ARHGAP15: variants seen among roughly 807,000 people sequenced by gnomAD.
ARHGAP15 encodes the protein rho GTPase-activating protein 15.
ARHGAP15 carries 51 observed loss-of-function variants against 63.7 expected under a neutral mutation model. That is an observed-to-expected ratio of 0.80 (90% CI 0.64 to 1.01). The LOEUF (loss-of-function observed/expected upper bound fraction) is 1.01. Among genes scored for constraint, ARHGAP15 ranks in the 50% least tolerant of loss-of-function variants. The pLI is 0.00. For synonymous variants in ARHGAP15, 191 were observed against 193.8 expected, an observed-to-expected ratio of 0.99 and a Z score of 0.12; for missense variants, 560 against 564.6, an observed-to-expected ratio of 0.99 and a Z score of 0.08.
rs116258564 is a variant in ARHGAP15 at position 143,197,394 on chromosome 2, A to G, written c.166-4740A>G. 8.7e-3 allele frequency among the ~76,000 whole-genome samples: 1,325 copies of G among 152,162 alleles called. 24 individuals carry two copies. The highest frequency in any genetic ancestry group is 0.03 in the African/African-American group (1,257 of 41,572). On this transcript the variant is annotated intron_variant, in intron 2 of 13. Coordinates refer to ENST00000295095, the MANE Select transcript of ARHGAP15 (RefSeq NM_018460.4). Reference sequence around the variant, plus strand: ...AATAATAAGCTATTAATCGATATCTATATAAGTACTATAACATTTTCTGTT... The same window carrying G: ...AATAATAAGCTATTAATCGATATCTGTATAAGTACTATAACATTTTCTGTT...
intron 12 of ARHGAP15, among the ~76,000 whole-genome samples, chr2:143,688,074 C>A (rs1451463719): frequency 6.6e-6 from 1 of 152,100 alleles, no homozygotes; most frequent in Non-Finnish European, 1.5e-5. Context: ...TTTCCTTTGA[C>A]ATGTTCATTC....
intron 10 of ARHGAP15, among the ~76,000 whole-genome samples, chr2:143,539,659 G>A (rs1039853603): frequency 6.6e-6 from 1 of 152,112 alleles, no homozygotes; most frequent in African/African-American, 2.4e-5. Context: ...TTCAGGAGCA[G>A]GTTGTTCAGT....
chr2:143,668,529 T>C (rs532393337), intron 12 of ARHGAP15, among the ~76,000 whole-genome samples: 6 of 150,948 alleles, frequency 4.0e-5, no homozygotes, highest in African/African-American at 1.2e-4. Flanking sequence ...CTAAAACCCA[T>C]GCTTTAAACT....
At chr2:143,556,816 A>G (rs892095305) in intron 11 of ARHGAP15, among the ~76,000 whole-genome samples, 2 of 152,098 alleles carry the variant, frequency 1.3e-5, no homozygotes, top group African/African-American at 4.8e-5. Context: ...GACACTTACT[A>G]TATGTTGATG....
chr2:143,252,329 C>T (rs1383857045), intron 6 of ARHGAP15, among the ~76,000 whole-genome samples: 1 of 151,986 alleles, frequency 6.6e-6, no homozygotes. Context: ...CAGTGTGTAT[C>T]ATCCCAATCT....
chr2:143,510,018 T>TAAAAAAAAAAAAAAAAAAAAAAA (rs35469918), intron 9 of ARHGAP15, among the ~76,000 whole-genome samples: 4 of 48,826 alleles, frequency 8.2e-5, no homozygotes, highest in Non-Finnish European at 1.1e-4. Context: ...GACTCCCTCT[T>TAAAAAAAAAAAAAAAAAAAAAAA]AAAAAAAAAA....
chr2:143,587,687 C>T (rs1395075452), intron 11 of ARHGAP15: 6 of 468,470 alleles, frequency 1.3e-5, no homozygotes, highest in South Asian at 3.1e-5. Context: ...CTTTCACAGT[C>T]GTTTCTGGAA....
intron 8 of ARHGAP15, among the ~76,000 whole-genome samples, chr2:143,459,910 G>C (rs1690854814): frequency 6.6e-6 from 1 of 152,134 alleles, no homozygotes; most frequent in African/African-American, 2.4e-5. Flanking sequence ...ATAATGTGAA[G>C]TATGGGAGAG....
chr2:143,763,720 A>G (rs574968069), intron 13 of ARHGAP15, among the ~76,000 whole-genome samples: 1 of 144,492 alleles, frequency 6.9e-6, no homozygotes, highest in African/African-American at 2.7e-5. Context: ...GTGTATGTAT[A>G]TGTATGTATA....
intron 6 of ARHGAP15, among the ~76,000 whole-genome samples, chr2:143,289,485 CTT>C (rs1682281593): frequency 6.6e-6 from 1 of 152,126 alleles, no homozygotes; most frequent in South Asian, 2.1e-4. Flanking sequence ...TAAGTATACA[CTT>C]TGTCTGTTCG....
chr2:143,180,771 T>C (rs1296276882), intron 2 of ARHGAP15, among the ~76,000 whole-genome samples: 1 of 152,140 alleles, frequency 6.6e-6, no homozygotes, highest in East Asian at 1.9e-4. Flanking sequence ...CCTCCCGGGT[T>C]CACTGCATTG....
intron 13 of ARHGAP15, among the ~76,000 whole-genome samples, chr2:143,720,181 C>G (rs969507292): frequency 6.6e-6 from 1 of 152,068 alleles, no homozygotes; most frequent in African/African-American, 2.4e-5. Flanking sequence ...GCGTTTTGTT[C>G]GTCATGAATG....
rs1211064091 is a variant in ARHGAP15, at chr2:143,315,873, T to C, written c.474+65273T>C. Among the ~76,000 whole-genome samples the C allele has an allele frequency of 8.6e-5, 13 of 151,868 alleles. No individual in the cohort carries two copies. In the East Asian group the frequency reaches 2.1e-3, roughly 25 times the overall value. ...GCAGAGGCGGGTGGATCACCTGAAG[T>C]CAGGAGTTCAAGATCAGCCTGGCCA... On this transcript the variant is annotated intron_variant, in intron 6 of 13. Coordinates refer to ENST00000295095, the MANE Select transcript of ARHGAP15 (RefSeq NM_018460.4).
At chr2:143,407,044 G>A (rs1688227161) in intron 6 of ARHGAP15, among the ~76,000 whole-genome samples, 2 of 151,834 alleles carry the variant, frequency 1.3e-5, no homozygotes, top group Admixed American at 1.3e-4. Context: ...GTTCCTACAT[G>A]GAGGAAAAAA....
At chr2:143,539,713 G>A (rs887067213) in intron 10 of ARHGAP15, among the ~76,000 whole-genome samples, 1 of 152,050 alleles carries the variant, frequency 6.6e-6, no homozygotes, top group Non-Finnish European at 1.5e-5. Context: ...TTAATCCTGA[G>A]TTCTAGTTTG....
At chr2:143,222,133 G>C (rs1005696344) in intron 4 of ARHGAP15, among the ~76,000 whole-genome samples, 2 of 152,174 alleles carry the variant, frequency 1.3e-5, no homozygotes, top group Non-Finnish European at 2.9e-5. Flanking sequence ...CCTTTTAGCA[G>C]TCATAAATTA....
At chr2:143,747,548 C>T (rs1686217048) in intron 13 of ARHGAP15, among the ~76,000 whole-genome samples, 1 of 152,182 alleles carries the variant, frequency 6.6e-6, no homozygotes, top group South Asian at 2.1e-4. Flanking sequence ...CTCCCTCCCT[C>T]CCCAAAACCT....
intron 11 of ARHGAP15, among the ~76,000 whole-genome samples, chr2:143,581,254 T>TA (rs1474316593): frequency 6.6e-5 from 10 of 151,384 alleles, no homozygotes; most frequent in Non-Finnish European, 1.5e-4. Flanking sequence ...TGCATTTTTT[T>TA]TATAGTTTCA....
intron 8 of ARHGAP15, among the ~76,000 whole-genome samples, chr2:143,476,721 CAA>C (rs909951898): frequency 1.3e-5 from 2 of 152,168 alleles, no homozygotes; most frequent in African/African-American, 4.8e-5. Flanking sequence ...AAAATAAAAA[CAA>C]AGATTCTGCA....
Sources: allele counts gnomAD v4.1 joint callset (sites outside exome capture counted in the v4.1 genomes callset), GRCh38; gene constraint gnomAD v4.1.1; transcripts MANE v1.5; gene names NCBI Gene and HGNC (gene_info 2026-07-23, HGNC 2026-07-21).